JAK1: variants seen among roughly 807,000 people sequenced by gnomAD.
The protein encoded by JAK1 is Janus kinase 1, also known as tyrosine-protein kinase JAK1.
JAK1 carries 16 observed loss-of-function variants against 136.6 expected under a neutral mutation model. The ratio of observed to expected loss-of-function variants is 0.12; its 90% CI spans 0.08 to 0.18. The LOEUF (loss-of-function observed/expected upper bound fraction) is 0.18, where lower values mean the gene tolerates loss of function less well. Among genes scored for constraint, JAK1 ranks in the 10% least tolerant of loss-of-function variants. The pLI is 1.00. For synonymous variants in JAK1, 492 were observed against 519.5 expected, an observed-to-expected ratio of 0.95 and a Z score of 0.72; for missense variants, 859 against 1,450.1, an observed-to-expected ratio of 0.59 and a Z score of 6.62.
chr1:64,858,357 T>G (rs972720409), intron 9 of JAK1, among the ~76,000 whole-genome samples: 1 of 152,216 alleles, frequency 6.6e-6, no homozygotes, highest in African/African-American at 2.4e-5. Context: ...AGGTGAGTGC[T>G]GCTTGCTAAG....
intron 2 of JAK1, among the ~76,000 whole-genome samples, chr1:65,007,392 C>T (rs1446335958): frequency 6.6e-6 from 1 of 152,152 alleles, no homozygotes; most frequent in Admixed American, 6.5e-5. Flanking sequence ...CTGTGGTGAC[C>T]CGAGTCTGGT....
intron 1 of JAK1, among the ~76,000 whole-genome samples, chr1:64,916,430 A>G (rs1645396602): frequency 6.6e-6 from 1 of 152,180 alleles, no homozygotes; most frequent in South Asian, 2.1e-4. Context: ...TAGGGTGGTA[A>G]CTGCACAAGC....
At chr1:64,955,962 A>G (rs774334394) in intron 1 of JAK1, among the ~76,000 whole-genome samples, 8 of 152,344 alleles carry the variant, frequency 5.3e-5, no homozygotes, top group Middle Eastern at 3.4e-3. Context: ...CCCATTTTGA[A>G]CGCCAATAAG....
chr1:64,980,084 G>A (rs893940491), intron 2 of JAK1, among the ~76,000 whole-genome samples: 4 of 152,150 alleles, frequency 2.6e-5, no homozygotes, highest in African/African-American at 9.7e-5. Flanking sequence ...GTCAGACACT[G>A]TACTAAGTAA....
intron 2 of JAK1, among the ~76,000 whole-genome samples, chr1:65,018,101 G>A (rs972628168): frequency 3.3e-5 from 5 of 152,022 alleles, no homozygotes; most frequent in African/African-American, 1.2e-4. Context: ...GTGAGCCACT[G>A]CACCTGGCTG....
At chr1:64,973,416 G>A (rs2100676994) in intron 2 of JAK1, among the ~76,000 whole-genome samples, 1 of 151,158 alleles carries the variant, frequency 6.6e-6, no homozygotes, top group East Asian at 1.9e-4. Flanking sequence ...TTGGGGAGGA[G>A]GGCATAAACA....
intron 2 of JAK1, among the ~76,000 whole-genome samples, chr1:65,021,995 ACGT>A (rs1326386699): frequency 2.0e-5 from 3 of 151,166 alleles, no homozygotes; most frequent in African/African-American, 7.4e-5. Flanking sequence ...CAATAACACA[ACGT>A]TAGACTGTGA....
chr1:65,034,820 C>CT (rs895411648), intron 2 of JAK1, among the ~76,000 whole-genome samples: 3 of 152,076 alleles, frequency 2.0e-5, no homozygotes, highest in Non-Finnish European at 2.9e-5. Flanking sequence ...TTTGCGAGGC[C>CT]AAGGCGGGCG....
intron 22 of JAK1, among the ~76,000 whole-genome samples, chr1:64,837,547 ACT>A (rs904049168): frequency 1.1e-3 from 161 of 152,186 alleles, no homozygotes; most frequent in African/African-American, 3.8e-3. Flanking sequence ...TGCAATGCCC[ACT>A]CTGTCCTACA....
intron 1 of JAK1, among the ~76,000 whole-genome samples, chr1:64,928,053 C>G (rs1278359897): frequency 2.0e-5 from 3 of 152,182 alleles, no homozygotes; most frequent in Non-Finnish European, 4.4e-5. Flanking sequence ...TTTCTTAAGG[C>G]TGGGTCTCTC....
intron 2 of JAK1, among the ~76,000 whole-genome samples, chr1:65,019,681 C>T (rs577122): frequency 0.21 from 32,258 of 151,854 alleles, 4,584 homozygotes; most frequent in African/African-American, 0.38. Context: ...CTTTGGGAGG[C>T]CAATGTGGGT....
intron 2 of JAK1, among the ~76,000 whole-genome samples, chr1:64,978,411 C>T (rs762158431): frequency 3.9e-5 from 6 of 152,150 alleles, no homozygotes; most frequent in Non-Finnish European, 7.4e-5. Context: ...ATTATAAAAA[C>T]ACTTAACATA....
intron 1 of JAK1, among the ~76,000 whole-genome samples, chr1:64,908,633 G>C (rs559452225): frequency 2.0e-5 from 3 of 152,122 alleles, no homozygotes; most frequent in Non-Finnish European, 2.9e-5. Flanking sequence ...AATAGTATTT[G>C]AATAATCTTA....
intron 1 of JAK1, among the ~76,000 whole-genome samples, chr1:64,895,419 GACCCAACAAGGTT>G (rs998034833): frequency 2.6e-5 from 4 of 152,040 alleles, no homozygotes; most frequent in Non-Finnish European, 5.9e-5. Flanking sequence ...TGTTTTAAAG[GACCCAACAAGGTT>G]ACTACTAATC....
intron 2 of JAK1, among the ~76,000 whole-genome samples, chr1:65,036,439 C>T (rs749392062): frequency 2.6e-5 from 4 of 151,824 alleles, no homozygotes; most frequent in African/African-American, 9.7e-5. Flanking sequence ...CCCGTGCAGG[C>T]CAAAGTTATA....
Position 64,878,587 on chromosome 1 carries a change from A to G in JAK1, c.329+438T>C, listed in dbSNP as rs1322272635. ...TATATATATATATATATATATATAT[A>G]TATATATATATATATATATCTCAAA... On this transcript the variant is annotated intron_variant, in intron 4 of 24. Coordinates refer to ENST00000342505, the MANE Select transcript of JAK1 (RefSeq NM_002227.4). Among the ~76,000 whole-genome samples the G allele has an allele frequency of 2.0e-3, 123 of 62,334 alleles. 3 individuals carry two copies. Among genetic ancestry groups the G allele is most frequent in the African/African-American group, 9.8e-3 (111 of 11,354 alleles). The allele number at this position is 62,334 out of a possible 152,430, so 40.9% of individuals were successfully genotyped here.
intron 1 of JAK1, chr1:65,058,340 G>A (rs2100881712): frequency 7.6e-6 from 4 of 529,394 alleles, no homozygotes; most frequent in Non-Finnish European, 1.6e-5. Context: ...CAGGGTAAGA[G>A]GGTTTCTGGG....
chr1:64,970,909 C>G (rs1646446533), upstream of JAK1, among the ~76,000 whole-genome samples: 1 of 152,146 alleles, frequency 6.6e-6, no homozygotes, highest in South Asian at 2.1e-4. Flanking sequence ...GTGTAGAAGC[C>G]TCTTATTAGA....
chr1:64,964,175 T>C (rs1023812946), intron 1 of JAK1, among the ~76,000 whole-genome samples: 1 of 152,196 alleles, frequency 6.6e-6, no homozygotes, highest in South Asian at 2.1e-4. Flanking sequence ...TGGTTTTAAA[T>C]GTGAAAATGA....
Sources: gnomAD v4.1 joint callset for allele counts (sites outside exome capture counted in the v4.1 genomes callset) on GRCh38, gnomAD v4.1.1 for gene constraint, MANE v1.5 for transcripts, NCBI Gene and HGNC (gene_info 2026-07-23, HGNC 2026-07-21) for gene names.